Variants in SPAG16 observed in about 807,000 individuals in gnomAD.
SPAG16 encodes sperm associated antigen 16, also known as sperm-associated antigen 16 protein.
SPAG16 carries 86 observed loss-of-function variants against 80.4 expected under a neutral mutation model. The ratio of observed to expected loss-of-function variants is 1.07; its 90% confidence interval spans 0.90 to 1.28. The LOEUF (loss-of-function observed/expected upper bound fraction) is 1.28. SPAG16 is among the 50% of genes most tolerant of loss of function. The pLI is 0.00. For synonymous variants in SPAG16, 294 were observed against 265.9 expected, an observed-to-expected ratio of 1.11 and a Z score of -1.03; for missense variants, 870 against 765.3, an observed-to-expected ratio of 1.14 and a Z score of -1.61.
At chr2:213,348,465 C>T (rs565862055) in intron 6 of SPAG16, among the ~76,000 whole-genome samples, 1 of 152,274 alleles carries the variant, frequency 6.6e-6, no homozygotes, top group East Asian at 1.9e-4. Context: ...GCAGTTTCTT[C>T]CTAGCCTCGA....
chr2:214,028,934 G>A (rs2048272372), intron 13 of SPAG16, among the ~76,000 whole-genome samples: 1 of 151,976 alleles, frequency 6.6e-6, no homozygotes, highest in South Asian at 2.1e-4. Context: ...CTATTCTATG[G>A]ATACAATTTT....
At chr2:213,966,364 T>A (rs1269721040) in intron 12 of SPAG16, among the ~76,000 whole-genome samples, 2 of 152,190 alleles carry the variant, frequency 1.3e-5, no homozygotes, top group African/African-American at 2.4e-5. Flanking sequence ...TAAACCAAAA[T>A]TTTCAGTGAA....
chr2:214,104,887 C>A lies in SPAG16; in HGVS notation c.1528-3309C>A, dbSNP rs113089330. Among the ~76,000 whole-genome samples, 897 of 152,068 alleles carry A rather than the reference C, an allele frequency of 5.9e-3. 7 individuals are homozygous for A. Among genetic ancestry groups the A allele is most frequent in the African/African-American group, 0.021 (873 of 41,472 alleles). On this transcript the variant is annotated intron_variant, in intron 13 of 15. Coordinates refer to ENST00000331683, the MANE Select transcript of SPAG16 (RefSeq NM_024532.5). ...AATGGGAAATCATCACTGCCCACTA[C>A]CACTGTGTCTGAAAGGGGAGGGGAA...
rs112705270 is a variant in SPAG16 at position 213,850,991 on chromosome 2, A to G, written c.1071-11494A>G. On this transcript the variant is annotated intron_variant, in intron 10 of 15. Transcript: ENST00000331683. ...TAGTATTACTCTTATTTAATAATTAATTTAATCACAGTTAGCTAAAATTTG... is the reference window on the plus strand; with the variant it reads ...TAGTATTACTCTTATTTAATAATTAGTTTAATCACAGTTAGCTAAAATTTG... Among the ~76,000 whole-genome samples, 1,383 of 152,222 alleles carry G rather than the reference A, an allele frequency of 9.1e-3. 19 individuals are homozygous for G. The highest frequency in any genetic ancestry group is 0.032 in the African/African-American group (1,329 of 41,534).
At chr2:213,520,128 G>A (rs6716184) in intron 10 of SPAG16, among the ~76,000 whole-genome samples, 1,627 of 152,108 alleles carry the variant, frequency 0.011, 34 homozygotes, top group African/African-American at 0.037. Context: ...TGATGACAGA[G>A]GCAGAGATTG....
chr2:213,910,806 T>C (rs2077630792), intron 11 of SPAG16, among the ~76,000 whole-genome samples: 2 of 152,100 alleles, frequency 1.3e-5, no homozygotes, highest in African/African-American at 4.8e-5. Context: ...TTTTACTAGA[T>C]CTACAAAACA....
chr2:213,314,679 T>C (rs1177147851), intron 4 of SPAG16, among the ~76,000 whole-genome samples: 5 of 151,920 alleles, frequency 3.3e-5, no homozygotes, highest in Non-Finnish European at 5.9e-5. Flanking sequence ...ATTTTATTTA[T>C]AGTATTTAAT....
At chr2:213,331,523 T>C (rs1187647957) in intron 5 of SPAG16, among the ~76,000 whole-genome samples, 1 of 152,204 alleles carries the variant, frequency 6.6e-6, no homozygotes, top group Non-Finnish European at 1.5e-5. Context: ...TTTTCAGTAT[T>C]GGACAGGTAT....
Position 213,695,763 on chromosome 2 carries a change from C to T in SPAG16, c.1071-166722C>T, listed in dbSNP as rs369169957. 5.1e-4 allele frequency among the ~76,000 whole-genome samples: 78 copies of T among 152,248 alleles called. 2 individuals carry two copies. In the South Asian group the frequency reaches 0.016, roughly 31 times the overall value. ...ACATGCATCCTAACTTGGGAAAGGA[C>T]TTGGTGTGTTTCATCAATGCACATG... On this transcript the variant is annotated intron_variant, in intron 10 of 15. Transcript: ENST00000331683.
chr2:213,491,548 A>C (rs1405457342), intron 10 of SPAG16, among the ~76,000 whole-genome samples: 1 of 152,206 alleles, frequency 6.6e-6, no homozygotes. Context: ...TACAATCATG[A>C]ACCTTGGCTG....
chr2:214,212,283 C>T (rs2058315195), intron 15 of SPAG16, among the ~76,000 whole-genome samples: 1 of 152,076 alleles, frequency 6.6e-6, no homozygotes. Context: ...CTGCTCATCA[C>T]CCAGACCTAC....
At chr2:213,929,764 TTGAA>T (rs1302349272) in intron 11 of SPAG16, among the ~76,000 whole-genome samples, 192 bp from the exon 12 acceptor site, 1 of 152,164 alleles carries the variant, frequency 6.6e-6, no homozygotes, top group African/African-American at 2.4e-5. Flanking sequence ...TCTCTTCAGC[TTGAA>T]TTACTAAGCA....
intron 14 of SPAG16, among the ~76,000 whole-genome samples, chr2:214,142,352 C>T (rs1216288612): frequency 6.6e-6 from 1 of 152,134 alleles, no homozygotes; most frequent in Admixed American, 6.5e-5. Flanking sequence ...AAATCTTTTT[C>T]AGTCTTTCAT....
At chr2:213,663,333 A>AT (rs2063490458) in intron 10 of SPAG16, among the ~76,000 whole-genome samples, 1 of 152,118 alleles carries the variant, frequency 6.6e-6, no homozygotes, top group Admixed American at 6.6e-5. Context: ...CTAAATAAAC[A>AT]TTTTGTTAAT....
At chr2:214,050,156 A>T (rs1047061285) in intron 13 of SPAG16, among the ~76,000 whole-genome samples, 4 of 152,036 alleles carry the variant, frequency 2.6e-5, no homozygotes, top group Non-Finnish European at 2.9e-5. Context: ...TATGGAAAAA[A>T]CTACCTCTCT....
intron 15 of SPAG16, among the ~76,000 whole-genome samples, chr2:214,273,920 A>C (rs9798229): frequency 0.23 from 34,702 of 152,066 alleles, 4,174 homozygotes; most frequent in East Asian, 0.36. Flanking sequence ...GATTCTTCCT[A>C]TCCATGTGCA....
intron 11 of SPAG16, among the ~76,000 whole-genome samples, chr2:213,901,458 G>A (rs1374175897): frequency 6.6e-5 from 10 of 152,064 alleles, no homozygotes; most frequent in Admixed American, 6.5e-4. Context: ...TTTCAGTAAT[G>A]CCCATAAGAC....
At chr2:213,876,589 A>G (rs897693484) in intron 11 of SPAG16, among the ~76,000 whole-genome samples, 1 of 152,198 alleles carries the variant, frequency 6.6e-6, no homozygotes, top group Admixed American at 6.6e-5. Flanking sequence ...CAAAAGCATT[A>G]TAAGTATTCT....
chr2:213,687,573 A>C (rs1455470099), intron 10 of SPAG16, among the ~76,000 whole-genome samples: 1 of 152,164 alleles, frequency 6.6e-6, no homozygotes, highest in East Asian at 1.9e-4. Context: ...AGTATTTAAA[A>C]ATGTTGCTCA....
Sources: gnomAD v4.1 joint callset for allele counts (sites outside exome capture counted in the v4.1 genomes callset) on GRCh38, gnomAD v4.1.1 for gene constraint, MANE v1.5 for transcripts, NCBI Gene and HGNC (gene_info 2026-07-23, HGNC 2026-07-21) for gene names.